Variants in EGFR observed in about 807,000 individuals in gnomAD.
EGFR encodes epidermal growth factor receptor.
EGFR carries 58 observed loss-of-function variants against 143.0 expected under a neutral mutation model. The ratio of observed to expected loss-of-function variants is 0.41; its 90% CI spans 0.33 to 0.50. EGFR has a LOEUF of 0.50. Among genes scored for constraint, EGFR ranks in the 20% least tolerant of loss-of-function variants. The probability of loss-of-function intolerance (pLI) is 0.39; values close to 1 mark genes in which losing one functional copy is unlikely to be tolerated. For synonymous variants in EGFR, 613 were observed against 594.4 expected (o/e 1.03, Z -0.45); for missense variants, 1,307 against 1,579.0 (o/e 0.83, Z 2.92).
intron 16 of EGFR, 191 bp from the exon 17 acceptor site, chr7:55,172,792 G>T: frequency 6.6e-7 from 1 of 1,514,900 alleles, no homozygotes; most frequent in Non-Finnish European, 8.9e-7. Context: ...GGACTGGGGA[G>T]AGCTTGAGAA....
At chr7:55,061,609 G>A (rs1028412378) in intron 1 of EGFR, among the ~76,000 whole-genome samples, 1 of 93,898 alleles carries the variant, frequency 1.1e-5, no homozygotes, top group Non-Finnish European at 2.3e-5. Context: ...ACGGTCTCCA[G>A]GGATGTGTGT....
chr7:55,199,454 T>C (rs1787755481), intron 23 of EGFR, among the ~76,000 whole-genome samples: 1 of 152,220 alleles, frequency 6.6e-6, no homozygotes, highest in South Asian at 2.1e-4. Context: ...GTATAGGGAA[T>C]ATGACAGAGC....
chr7:55,068,448 C>G (rs1184824701), intron 1 of EGFR, among the ~76,000 whole-genome samples: 2 of 152,208 alleles, frequency 1.3e-5, no homozygotes, highest in African/African-American at 4.8e-5. Flanking sequence ...CTGGTAGTAG[C>G]AGCTCCAGAT....
intron 1 of EGFR, among the ~76,000 whole-genome samples, chr7:55,029,313 T>G (rs975152996): frequency 1.3e-5 from 2 of 152,226 alleles, no homozygotes; most frequent in African/African-American, 4.8e-5. Flanking sequence ...ACCTTATCCT[T>G]ATAGATGTTT....
intron 1 of EGFR, among the ~76,000 whole-genome samples, chr7:55,024,113 C>G (rs930008027): frequency 2.6e-5 from 4 of 152,182 alleles, no homozygotes; most frequent in Non-Finnish European, 5.9e-5. Context: ...TACACTCAAT[C>G]CAGTTGTCTA....
intron 1 of EGFR, among the ~76,000 whole-genome samples, chr7:55,087,957 G>GT (rs1319791607): frequency 6.6e-6 from 1 of 152,200 alleles, no homozygotes; most frequent in Non-Finnish European, 1.5e-5. Context: ...GCACAGGTGT[G>GT]TATGTGTGTT....
chr7:55,150,607 A>G (rs533127675), intron 4 of EGFR, among the ~76,000 whole-genome samples: 51 of 152,318 alleles, frequency 3.3e-4, no homozygotes, highest in African/African-American at 1.2e-3. Context: ...TACTCTTTCT[A>G]TATAGATATA....
chr7:55,085,797 C>T (rs1009460452), intron 1 of EGFR, among the ~76,000 whole-genome samples: 5 of 152,158 alleles, frequency 3.3e-5, no homozygotes, highest in Non-Finnish European at 7.3e-5. Flanking sequence ...TAAATCAGCT[C>T]GTTCTCACAT....
chr7:55,191,312 C>T lies in EGFR; in HGVS notation c.2470-407C>T, dbSNP rs374262904. 2.0e-4 allele frequency among the ~76,000 whole-genome samples: 31 copies of T among 152,250 alleles called. 1 individual carries two copies. In the East Asian group the frequency reaches 2.9e-3, roughly 14 times the overall value. On this transcript the variant is annotated intron_variant, in intron 20 of 27. Coordinates refer to ENST00000275493, the MANE Select transcript of EGFR (RefSeq NM_005228.5). The stretch of plus-strand genomic sequence containing the variant: ...GAGAGTGTGGCTTAAAAACCCTGAA[C>T]GACATTCCTTTGCACCAGCTTGGTG...
chr7:55,166,639 CAGT>C (rs1786000169), intron 15 of EGFR, among the ~76,000 whole-genome samples: 1 of 144,446 alleles, frequency 6.9e-6, no homozygotes, highest in Non-Finnish European at 1.5e-5. Context: ...GTGGGAGTCA[CAGT>C]GGTGGTGGTG....
In EGFR at chr7:55,094,048, C is replaced by T. The variant is rs773550037; in HGVS notation, c.89-48238C>T. Among the ~76,000 whole-genome samples, 3 of 152,272 alleles carry T rather than the reference C, an allele frequency of 2.0e-5. No homozygotes were observed. In the South Asian group the frequency reaches 6.2e-4, roughly 32 times the overall value. ...GCGTGTGTAACGTAAAAAGATGAAA[C>T]CCATTGTACACAGCTGTGTACTGCC... is the stretch of plus-strand genomic sequence containing the variant. On this transcript the variant is annotated intron_variant, in intron 1 of 27. Coordinates refer to ENST00000275493, the MANE Select transcript of EGFR (RefSeq NM_005228.5).
chr7:55,101,378 G>A (rs1242583199), intron 1 of EGFR, among the ~76,000 whole-genome samples: 2 of 152,180 alleles, frequency 1.3e-5, no homozygotes, highest in African/African-American at 4.8e-5. Flanking sequence ...TCTTTCTGTC[G>A]CTCTATTTAC....
In EGFR at chr7:55,165,140, T is replaced by C. The variant is rs1367216040; in HGVS notation, c.1723-140T>C. 6 of 1,217,568 alleles carry C rather than the reference T, an allele frequency of 4.9e-6. No homozygotes were observed. In the Admixed American group the frequency reaches 8.0e-5, roughly 16 times the overall value. The allele number at this position is 1,217,568 out of a possible 1,614,324, so 75.4% of individuals were successfully genotyped here. On this transcript the variant is annotated intron_variant, in intron 14 of 27. Coordinates refer to ENST00000275493, the MANE Select transcript of EGFR (RefSeq NM_005228.5). ...CAAGCAGGTGCAATCACAGAATAAC[T>C]GGTTTTCTCCTTTAAGAATTTTTCT...
chr7:55,183,576 T>C (rs1353311576), intron 20 of EGFR, among the ~76,000 whole-genome samples: 1 of 152,126 alleles, frequency 6.6e-6, no homozygotes, highest in Non-Finnish European at 1.5e-5. Flanking sequence ...TGTTGCTGGG[T>C]GTGGAGCTAC....
intron 1 of EGFR, among the ~76,000 whole-genome samples, chr7:55,057,988 G>A (rs540891099): frequency 2.0e-5 from 3 of 152,134 alleles, no homozygotes; most frequent in Non-Finnish European, 4.4e-5. Flanking sequence ...AACAAGAGCT[G>A]CTTTAATGTA....
chr7:55,123,991 A>G (rs748857570), intron 1 of EGFR, among the ~76,000 whole-genome samples: 1 of 152,152 alleles, frequency 6.6e-6, no homozygotes, highest in Non-Finnish European at 1.5e-5. Flanking sequence ...GTATGTGTGT[A>G]TGCACATAAA....
intron 1 of EGFR, among the ~76,000 whole-genome samples, chr7:55,071,090 G>A (rs896051486): frequency 1.3e-5 from 2 of 152,178 alleles, no homozygotes; most frequent in Non-Finnish European, 2.9e-5. Flanking sequence ...CTGTGGCTCC[G>A]GTGTCTCAGG....
chr7:55,081,720 G>T (rs527641318), intron 1 of EGFR, among the ~76,000 whole-genome samples: 71 of 131,988 alleles, frequency 5.4e-4, no homozygotes, highest in African/African-American at 1.4e-3. Context: ...TTTTAGACTG[G>T]TTTTTTTTTT....
chr7:55,173,786 G>C (rs1222369141), intron 17 of EGFR, 135 bp from the exon 18 acceptor site: 2 of 1,373,836 alleles, frequency 1.5e-6, no homozygotes, highest in Non-Finnish European at 2.1e-6. Flanking sequence ...TTCCAAATGA[G>C]CTGGCAAGTG....
Sources: gnomAD v4.1 joint callset for allele counts (sites outside exome capture counted in the v4.1 genomes callset) on GRCh38, gnomAD v4.1.1 for gene constraint, MANE v1.5 for transcripts, NCBI Gene and HGNC (gene_info 2026-07-23, HGNC 2026-07-21) for gene names.